The following IL1RAPL1 variants were observed in gnomAD, a reference collection of about 807,000 sequenced individuals.
The protein encoded by IL1RAPL1 is interleukin 1 receptor accessory protein like 1.
A neutral mutation model predicts 48.4 loss-of-function variants in IL1RAPL1; 3 were observed. The ratio of observed to expected loss-of-function variants is 0.06; its 90% CI spans 0.03 to 0.16. The LOEUF is 0.16. IL1RAPL1 is among the 10% of genes least tolerant of loss of function. The pLI is 1.00. For synonymous variants in IL1RAPL1, 185 were observed against 187.7 expected, an observed-to-expected ratio of 0.99 and a Z score of 0.12; for missense variants, 349 against 530.6, an observed-to-expected ratio of 0.66 and a Z score of 3.36.
intron 3 of IL1RAPL1, among the ~76,000 whole-genome samples, chrX:29,303,861 AT>A (rs1469117352): frequency 8.9e-6 from 1 of 112,185 alleles, no homozygotes; most frequent in Non-Finnish European, 1.9e-5. Context: ...TAATGGACTA[AT>A]TTTTTCTCTA....
chrX:29,873,576 T>G (rs940739703), intron 6 of IL1RAPL1, among the ~76,000 whole-genome samples: 5 of 111,693 alleles, frequency 4.5e-5, no homozygotes, highest in African/African-American at 1.6e-4. Context: ...AGCAGAGAGC[T>G]CACGCCAGAC....
At chrX:29,021,880 A>G (rs1227707812) in intron 2 of IL1RAPL1, among the ~76,000 whole-genome samples, 1 of 111,368 alleles carries the variant, frequency 9.0e-6, no homozygotes. Flanking sequence ...CTTGACATAC[A>G]CTCACTCTTT....
intron 2 of IL1RAPL1, among the ~76,000 whole-genome samples, chrX:29,223,969 C>G (rs1055087782): frequency 1.8e-5 from 2 of 111,427 alleles, no homozygotes; most frequent in African/African-American, 6.5e-5. Flanking sequence ...AGGAGTCCAT[C>G]TCTCTCTCCT....
intron 5 of IL1RAPL1, among the ~76,000 whole-genome samples, chrX:29,491,490 A>G (rs1935159094): frequency 8.9e-6 from 1 of 112,342 alleles, no homozygotes; most frequent in African/African-American, 3.2e-5. Context: ...GATGAATGCA[A>G]ATAATCAAAC....
chrX:29,225,884 A>G (rs1199393769), intron 2 of IL1RAPL1, among the ~76,000 whole-genome samples: 1 of 111,774 alleles, frequency 8.9e-6, no homozygotes, highest in Non-Finnish European at 1.9e-5. Context: ...TTACAATTGC[A>G]AATTTTCCAA....
At chrX:29,772,499 A>G (rs1016547525) in intron 6 of IL1RAPL1, among the ~76,000 whole-genome samples, 10 of 111,589 alleles carry the variant, frequency 9.0e-5, no homozygotes, top group African/African-American at 2.6e-4. Context: ...CCAAAGTCCT[A>G]TAAGTGTCCT....
At chrX:29,325,591 G>T (rs746364877) in intron 3 of IL1RAPL1, among the ~76,000 whole-genome samples, 1 of 111,881 alleles carries the variant, frequency 8.9e-6, no homozygotes, top group East Asian at 2.8e-4. Context: ...TTATGTTCTT[G>T]GTGATTTAAA....
chrX:28,869,014 C>G (rs1922143042), intron 2 of IL1RAPL1, among the ~76,000 whole-genome samples: 1 of 112,478 alleles, frequency 8.9e-6, no homozygotes, highest in Non-Finnish European at 1.9e-5. Flanking sequence ...CTGCTGTTCC[C>G]TGTCCCATGC....
intron 2 of IL1RAPL1, among the ~76,000 whole-genome samples, chrX:28,982,492 G>C (rs781181914): frequency 8.9e-6 from 1 of 112,080 alleles, no homozygotes; most frequent in African/African-American, 3.2e-5. Context: ...TTCATATGGC[G>C]CTCTTCAGTA....
chrX:28,616,495 A>T (rs1475758900), intron 1 of IL1RAPL1, among the ~76,000 whole-genome samples: 3 of 108,568 alleles, frequency 2.8e-5, no homozygotes, highest in African/African-American at 1.0e-4. Context: ...GTGCAATGGC[A>T]CGATCTCGGC....
rs187432054 is a variant in IL1RAPL1 at position 29,202,970 on chromosome X, C to G, written c.83-79968C>G. ...CAAACCCCCATGACATGCAATTTAC[C>G]TATATAACAAACCTGCACATCCACC... On this transcript the variant is annotated intron_variant, in intron 2 of 10. Coordinates refer to ENST00000378993, the MANE Select transcript of IL1RAPL1 (RefSeq NM_014271.4). 1.8e-3 allele frequency among the ~76,000 whole-genome samples: 195 copies of G among 110,949 alleles called. 1 individual carries two copies. Among genetic ancestry groups the G allele is most frequent in the Middle Eastern group, 9.3e-3 (2 of 215 alleles).
chrX:29,593,630 A>C (rs1923452397), intron 5 of IL1RAPL1, among the ~76,000 whole-genome samples: 1 of 111,865 alleles, frequency 8.9e-6, no homozygotes, highest in Non-Finnish European at 1.9e-5. Context: ...AATATCCTTG[A>C]TCAATATTCT....
At chrX:29,527,178 T>C (rs888696042) in intron 5 of IL1RAPL1, among the ~76,000 whole-genome samples, 2 of 110,202 alleles carry the variant, frequency 1.8e-5, no homozygotes, top group Non-Finnish European at 3.8e-5. Flanking sequence ...TGGTTTCGTA[T>C]AAAAGAGGAA....
intron 1 of IL1RAPL1, among the ~76,000 whole-genome samples, chrX:28,684,619 G>T (rs1036942147): frequency 5.3e-5 from 6 of 112,151 alleles, no homozygotes; most frequent in Non-Finnish European, 1.1e-4. Flanking sequence ...ATTGTGAGTT[G>T]TTAGAAGCCA....
intron 1 of IL1RAPL1, among the ~76,000 whole-genome samples, chrX:28,708,987 A>G (rs186812077): frequency 1.8e-5 from 2 of 112,018 alleles, no homozygotes; most frequent in East Asian, 2.8e-4. Flanking sequence ...ACATGTAACA[A>G]AATTTTACAT....
At chrX:29,911,259 A>G (rs1211326578) in intron 6 of IL1RAPL1, among the ~76,000 whole-genome samples, 2 of 112,045 alleles carry the variant, frequency 1.8e-5, no homozygotes, top group Non-Finnish European at 3.8e-5. Flanking sequence ...ATAATATTGT[A>G]TGACTACATT....
intron 6 of IL1RAPL1, among the ~76,000 whole-genome samples, chrX:29,908,715 T>C (rs1426617409): frequency 8.9e-6 from 1 of 112,293 alleles, no homozygotes; most frequent in Non-Finnish European, 1.9e-5. Flanking sequence ...TAAATTTTGC[T>C]AGTAAGTGAT....
chrX:29,835,898 T>A (rs764243702), intron 6 of IL1RAPL1, among the ~76,000 whole-genome samples: 1 of 101,625 alleles, frequency 9.8e-6, no homozygotes, highest in African/African-American at 3.8e-5. Context: ...TTTTTTTTTT[T>A]AGTTAGTTAG....
chrX:29,490,937 C>T (rs1039651012), intron 5 of IL1RAPL1, among the ~76,000 whole-genome samples: 1 of 109,115 alleles, frequency 9.2e-6, no homozygotes, highest in African/African-American at 3.5e-5. Context: ...TTTGTATGCA[C>T]TTAATGTAAT....
Sources: gnomAD v4.1 joint callset for allele counts (sites outside exome capture counted in the v4.1 genomes callset) on GRCh38, gnomAD v4.1.1 for gene constraint, MANE v1.5 for transcripts, NCBI Gene and HGNC (gene_info 2026-07-23, HGNC 2026-07-21) for gene names.